VRTN: variants seen among roughly 807,000 people sequenced by gnomAD.
The protein encoded by VRTN is vertebrae development associated.
VRTN carries 5 observed loss-of-function variants against 18.2 expected under a neutral mutation model. The observed-to-expected ratio is 0.27, with a 90% confidence interval of 0.14 to 0.58. The LOEUF is 0.58. Among genes scored for constraint, VRTN ranks in the 20% least tolerant of loss-of-function variants. The probability of loss-of-function intolerance (pLI) is 0.91; values close to 1 mark genes in which losing one functional copy is unlikely to be tolerated. For missense variants in VRTN, 741 were observed against 939.4 expected (o/e 0.79, Z 2.76); for synonymous variants, 381 against 393.7 (o/e 0.97, Z 0.38).
chr14:74,308,824 C>A (rs1043786180), intron 1 of VRTN, among the ~76,000 whole-genome samples: 3 of 151,694 alleles, frequency 2.0e-5, no homozygotes, highest in Non-Finnish European at 2.9e-5. Context: ...CTCTTCAAGG[C>A]TTCTTATGCC....
intron 1 of VRTN, among the ~76,000 whole-genome samples, chr14:74,311,417 ATT>A: frequency 7.2e-6 from 1 of 139,344 alleles, no homozygotes; most frequent in African/African-American, 2.6e-5. Context: ...TGCAGCTTGC[ATT>A]TTTTTTTTTT....
At chr14:74,327,089 C>T (rs2085492847) in intron 1 of VRTN, among the ~76,000 whole-genome samples, 1 of 152,170 alleles carries the variant, frequency 6.6e-6, no homozygotes, top group African/African-American at 2.4e-5. Context: ...TTCCCTATCT[C>T]CTTGGATTAG....
At chr14:74,319,607 A>G (rs1428360294) in intron 1 of VRTN, among the ~76,000 whole-genome samples, 1 of 152,184 alleles carries the variant, frequency 6.6e-6, no homozygotes, top group Non-Finnish European at 1.5e-5. Context: ...GTAAATCAAG[A>G]GTTTGTTTAT....
rs1424600935 is a variant in VRTN at position 74,358,910 on chromosome 14, G to T, written c.*18G>T. On this transcript the variant is annotated 3_prime_UTR_variant, in exon 2 of 2. Transcript: ENST00000256362. This position sits in a 1 kb window ranked among gnomAD's most constrained non-coding sequence, Gnocchi z 5.4. ...ATGGCTGACAGGGAGGTACAAAAGGGGCTGGGAAGAAGGGGGACCAGTTTG... is the reference window on the plus strand; with the variant it reads ...ATGGCTGACAGGGAGGTACAAAAGGTGCTGGGAAGAAGGGGGACCAGTTTG... The T allele has an allele frequency of 6.3e-7, 1 of 1,594,016 alleles. No individual in the cohort carries two copies.
chr14:74,313,168 T>A (rs1255532793), intron 1 of VRTN, among the ~76,000 whole-genome samples: 30 of 152,148 alleles, frequency 2.0e-4, no homozygotes, highest in Admixed American at 2.0e-3. Flanking sequence ...ATAGACAGAG[T>A]TGGACCTGTC....
In VRTN at chr14:74,357,403, G is replaced by A. The variant is rs2085737246; in HGVS notation, c.620G>A (p.Arg207Gln). The change falls in exon 2 of 2, where the codon CGG becomes CAG. Residue 207 changes from arginine (R) to glutamine (Q), a missense_variant. Coordinates refer to ENST00000256362, the MANE Select transcript of VRTN (RefSeq NM_018228.3). This position sits in a 1 kb window ranked among gnomAD's most constrained non-coding sequence, Gnocchi z 7.8. Reference protein sequence around the residue: ...KIRPYFNRVIRPRRCDHVPST... With the variant: ...KIRPYFNRVIQPRRCDHVPST... The stretch of plus-strand genomic sequence containing the variant: ...CGGCCCTACTTCAACCGTGTCATCC[G>A]GCCCCGCCGCTGCGACCACGTGCCC... 1.9e-6 allele frequency: 3 copies of A among 1,612,896 alleles called. No individual in the cohort carries two copies. The highest frequency in any genetic ancestry group is 2.5e-6 in the Non-Finnish European group (3 of 1,179,992).
chr14:74,323,092 C>T (rs2085466382), intron 1 of VRTN, among the ~76,000 whole-genome samples: 1 of 151,722 alleles, frequency 6.6e-6, no homozygotes, highest in Non-Finnish European at 1.5e-5. Context: ...GAGATCATGC[C>T]ACTGCACTCC....
intron 1 of VRTN, among the ~76,000 whole-genome samples, chr14:74,349,044 T>C (rs1343857458): frequency 2.6e-5 from 4 of 152,174 alleles, no homozygotes; most frequent in Middle Eastern, 3.2e-3. Context: ...CCTGGCACCT[T>C]AAGGGGCAAC....
chr14:74,316,516 A>G (rs1397049044), intron 1 of VRTN, among the ~76,000 whole-genome samples: 1 of 151,980 alleles, frequency 6.6e-6, no homozygotes, highest in Non-Finnish European at 1.5e-5. Context: ...TCTCAAACAA[A>G]CAAACAAACA....
chr14:74,358,138 C>A lies in VRTN; in HGVS notation c.1355C>A (p.Pro452Gln). The part of the protein sequence containing the change: ...KALRRNPSFK[P>Q]APALSAAGTP... ...CTCCGGAGGAACCCCAGCTTCAAGC[C>A]GGCACCAGCCCTCTCTGCTGCTGGG... The change falls in exon 2 of 2, where the codon CCG becomes CAG. Residue 452 changes from proline to glutamine, a missense_variant. Pro to Gln is a moderately conservative substitution (Grantham distance 76, BLOSUM62 -1). This residue lies in a region of VRTN where 494 missense variants were observed against 546.5 expected (regional missense o/e 0.90). Transcript: ENST00000256362. This position sits in a 1 kb window ranked among gnomAD's most constrained non-coding sequence, Gnocchi z 5.4. 6.2e-7 allele frequency: 1 copy of A among 1,614,096 alleles called. No homozygotes were observed. Among genetic ancestry groups the A allele is most frequent in the Non-Finnish European group, 8.5e-7 (1 of 1,180,020 alleles).
At chr14:74,342,759 C>T (rs542156225) in intron 2 of VRTN, among the ~76,000 whole-genome samples, 1 of 152,014 alleles carries the variant, frequency 6.6e-6, no homozygotes, top group East Asian at 1.9e-4. Flanking sequence ...GGACTACAGG[C>T]GCATGACACC....
chr14:74,316,227 C>T (rs912483221), intron 1 of VRTN, among the ~76,000 whole-genome samples: 5 of 151,974 alleles, frequency 3.3e-5, no homozygotes, highest in Admixed American at 1.3e-4. Flanking sequence ...TTTTAAAGAA[C>T]CTAAATGAGG....
chr14:74,327,913 G>T (rs2085497927), intron 1 of VRTN, among the ~76,000 whole-genome samples: 1 of 151,972 alleles, frequency 6.6e-6, no homozygotes, highest in Non-Finnish European at 1.5e-5. Flanking sequence ...TAGAGACAGG[G>T]TTTCACAATG....
At chr14:74,321,735 C>A (rs1167895828) in intron 1 of VRTN, among the ~76,000 whole-genome samples, 1 of 152,262 alleles carries the variant, frequency 6.6e-6, no homozygotes, top group East Asian at 1.9e-4. Context: ...AACTCCTGAC[C>A]TCAGGTGATT....
intron 2 of VRTN, among the ~76,000 whole-genome samples, chr14:74,340,084 T>C (rs1376124456): frequency 3.3e-5 from 5 of 149,716 alleles, no homozygotes; most frequent in Non-Finnish European, 7.4e-5. Flanking sequence ...TACAGGTGTG[T>C]GCCACCACAC....
At chr14:74,334,837 G>C (rs2085553014) in intron 1 of VRTN, among the ~76,000 whole-genome samples, 1 of 152,144 alleles carries the variant, frequency 6.6e-6, no homozygotes, top group Non-Finnish European at 1.5e-5. Flanking sequence ...TGAGCTCCTT[G>C]GTACGGAGGG....
intron 1 of VRTN, among the ~76,000 whole-genome samples, chr14:74,334,536 A>G (rs1018886082): frequency 6.6e-6 from 1 of 152,180 alleles, no homozygotes; most frequent in African/African-American, 2.4e-5. Flanking sequence ...TGTCAAACAA[A>G]CAATAAACCA....
intron 1 of VRTN, among the ~76,000 whole-genome samples, chr14:74,319,135 C>T (rs149121268): frequency 0.018 from 2,671 of 152,042 alleles, 80 homozygotes; most frequent in Admixed American, 0.088. Context: ...CAGGCTCAAG[C>T]GATTCTCCTG....
chr14:74,335,221 C>A (rs1477066359), intron 1 of VRTN, among the ~76,000 whole-genome samples: 1 of 152,152 alleles, frequency 6.6e-6, no homozygotes, highest in Non-Finnish European at 1.5e-5. Flanking sequence ...GCGGAGTTTG[C>A]AGTGAGCTGA....
Sources: gnomAD v4.1 joint callset for allele counts (sites outside exome capture counted in the v4.1 genomes callset) on GRCh38, gnomAD v4.1.1 for gene constraint, gnomAD v4.1.1 regional missense constraint, Gnocchi (gnomAD v3.1) non-coding constraint, MANE v1.5 for transcripts, NCBI Gene and HGNC (gene_info 2026-07-23, HGNC 2026-07-21) for gene names.